The following PIKFYVE variants were observed in gnomAD, a reference collection of about 807,000 sequenced individuals.
PIKFYVE encodes the protein 1-phosphatidylinositol 3-phosphate 5-kinase.
PIKFYVE carries 122 observed loss-of-function variants against 257.9 expected under a neutral mutation model. That is an observed-to-expected ratio of 0.47 (90% CI 0.41 to 0.55). PIKFYVE has a LOEUF of 0.55. PIKFYVE is among the 20% of genes least tolerant of loss of function. The probability of loss-of-function intolerance (pLI) is 0.00; values close to 1 mark genes in which losing one functional copy is unlikely to be tolerated. For synonymous variants in PIKFYVE, 892 were observed against 868.9 expected (o/e 1.03, Z -0.47); for missense variants, 2,160 against 2,536.6 (o/e 0.85, Z 3.19).
At chr2:208,287,223 C>T (rs1430405749) in intron 6 of PIKFYVE, among the ~76,000 whole-genome samples, 1 of 151,308 alleles carries the variant, frequency 6.6e-6, no homozygotes, top group Non-Finnish European at 1.5e-5. Context: ...GGGATTAGGA[C>T]TGGGTAGGGG....
intron 22 of PIKFYVE, 65 bp from the exon 23 acceptor site, chr2:208,330,458 C>T (rs1217178376): frequency 4.4e-6 from 7 of 1,593,408 alleles, no homozygotes; most frequent in Admixed American, 1.7e-5. Context: ...TCATGCTGCA[C>T]TTTGACAGTG....
chr2:208,320,200 G>A, intron 16 of PIKFYVE, 52 bp from the exon 17 acceptor site: 1 of 1,586,836 alleles, frequency 6.3e-7, no homozygotes, highest in Non-Finnish European at 8.6e-7. Flanking sequence ...TTAAAGGAGG[G>A]CTGTAAAATG....
intron 13 of PIKFYVE, 86 bp from the exon 14 acceptor site, chr2:208,314,208 A>C: frequency 1.4e-6 from 2 of 1,467,932 alleles, no homozygotes; most frequent in Non-Finnish European, 1.9e-6. Context: ...ACATTTATAA[A>C]GACAAAGGGC....
intron 1 of PIKFYVE, among the ~76,000 whole-genome samples, chr2:208,267,014 T>C (rs1688724502): frequency 6.6e-6 from 1 of 152,198 alleles, no homozygotes; most frequent in African/African-American, 2.4e-5. Context: ...TTGGAAACTT[T>C]TAGGACTTAG....
intron 10 of PIKFYVE, among the ~76,000 whole-genome samples, chr2:208,302,998 C>T (rs1693886248): frequency 6.6e-6 from 1 of 152,130 alleles, no homozygotes; most frequent in African/African-American, 2.4e-5. Flanking sequence ...AGGAGAATGA[C>T]GTGAACCTGG....
At chr2:208,275,968 G>A (rs544615002) in intron 3 of PIKFYVE, among the ~76,000 whole-genome samples, 3 of 152,314 alleles carry the variant, frequency 2.0e-5, no homozygotes, top group African/African-American at 7.2e-5. Context: ...TTGGCCATGA[G>A]GCTGGAATTT....
chr2:208,325,040 G>A lies in PIKFYVE; in HGVS notation c.2458+3G>A. 3.1e-6 allele frequency: 5 copies of A among 1,614,074 alleles called. No individual in the cohort carries two copies. The highest frequency in any genetic ancestry group is 4.2e-6 in the Non-Finnish European group (5 of 1,179,974). ...GCAGATATTTCAGTTGCCTAATGGTGAGTGATCTTTAGCATAGATTGACCT... is the reference window on the plus strand; with the variant it reads ...GCAGATATTTCAGTTGCCTAATGGTAAGTGATCTTTAGCATAGATTGACCT... On this transcript the variant is annotated splice_donor_region_variant and intron_variant, in intron 19 of 41. Transcript: ENST00000264380.
chr2:208,298,974 C>T (rs1044287268), intron 8 of PIKFYVE, among the ~76,000 whole-genome samples, 195 bp downstream of exon 8: 44 of 152,058 alleles, frequency 2.9e-4, no homozygotes, highest in African/African-American at 1.0e-3. Flanking sequence ...TCCTGAGTAG[C>T]TGGGATTACA....
At chr2:208,287,644 A>C (rs529551283) in intron 6 of PIKFYVE, among the ~76,000 whole-genome samples, 2 of 152,224 alleles carry the variant, frequency 1.3e-5, no homozygotes, top group Admixed American at 1.3e-4. Flanking sequence ...TCTGTCACCC[A>C]GGCTGGAGTG....
intron 12 of PIKFYVE, among the ~76,000 whole-genome samples, 181 bp from the exon 13 acceptor site, chr2:208,312,055 G>A (rs1238432351): frequency 6.6e-6 from 1 of 152,202 alleles, no homozygotes; most frequent in Non-Finnish European, 1.5e-5. Context: ...AGTATGAAGT[G>A]CATAGAACAA....
At chr2:208,274,084 A>G (rs749380715) in intron 3 of PIKFYVE, 1 of 1,604,222 alleles carries the variant, frequency 6.2e-7, no homozygotes, top group Non-Finnish European at 8.5e-7. Flanking sequence ...TGAATTCTGC[A>G]TCTGTTCTTG....
At chr2:208,272,070 T>C (rs1399721379) in intron 2 of PIKFYVE, among the ~76,000 whole-genome samples, 1 of 151,912 alleles carries the variant, frequency 6.6e-6, no homozygotes, top group African/African-American at 2.4e-5. Context: ...CCGTCTCTAC[T>C]AAAAATACAA....
intron 2 of PIKFYVE, among the ~76,000 whole-genome samples, chr2:208,273,195 T>G (rs1393994398): frequency 6.6e-6 from 1 of 152,210 alleles, no homozygotes; most frequent in Non-Finnish European, 1.5e-5. Context: ...TTTGTTTCCT[T>G]TAGTATGCTC....
chr2:208,336,283 T>C, intron 27 of PIKFYVE, 83 bp downstream of exon 27: 1 of 1,490,998 alleles, frequency 6.7e-7, no homozygotes, highest in Admixed American at 1.7e-5. Context: ...AAATTTTTAA[T>C]TATGGATGTT....
At chr2:208,304,465 G>T in intron 11 of PIKFYVE, 147 bp downstream of exon 11, 1 of 1,143,288 alleles carries the variant, frequency 8.7e-7, no homozygotes, top group East Asian at 2.5e-5. Context: ...CTTTGTCTTA[G>T]ATACAGTATT....
Position 208,303,644 on chromosome 2 carries a change from G to T in PIKFYVE, c.1321-527G>T, listed in dbSNP as rs1019490475. On this transcript the variant is annotated intron_variant, in intron 10 of 41. Transcript: ENST00000264380. Reference sequence around the variant, plus strand: ...AAGAGATTGCTTTTGCTGTCTCAGGGGTAGCAGAGGCAGAAGAAAATCCAC... The same window carrying T: ...AAGAGATTGCTTTTGCTGTCTCAGGTGTAGCAGAGGCAGAAGAAAATCCAC... 6.6e-5 allele frequency among the ~76,000 whole-genome samples: 10 copies of T among 152,190 alleles called. No individual in the cohort carries two copies. In the East Asian group the frequency reaches 1.7e-3, roughly 26 times the overall value.
Position 208,345,179 on chromosome 2 carries a change from G to A in PIKFYVE, c.5096G>A (p.Gly1699Glu), listed in dbSNP as rs751693940. ...KATQWNSAEE[G>E]LPTNSTSDSR... ...ACTCAGTGGAACAGTGCCGAAGAAG[G>A]GCTTCCAACAAATAGGTGATTCATG... The change falls in exon 33 of 42, where the codon GGG (glycine) becomes GAG (glutamate). Residue 1699 changes from glycine (G) to glutamate (E), a missense_variant. Physicochemically the swap from Gly to Glu is moderately conservative, Grantham distance 98. Coordinates refer to ENST00000264380, the MANE Select transcript of PIKFYVE (RefSeq NM_015040.4). The A allele has an allele frequency of 5.6e-6, 9 of 1,610,530 alleles. No homozygotes were observed. The South Asian group carries it at 9.9e-5, about 18-fold the overall frequency.
intron 28 of PIKFYVE, 102 bp from the exon 29 acceptor site, chr2:208,338,406 A>G (rs370097604): frequency 1.0e-6 from 1 of 974,444 alleles, no homozygotes. Context: ...AACGGTATAA[A>G]TGGGTCCTGA....
chr2:208,314,504 TAAAA>T, intron 14 of PIKFYVE, 81 bp downstream of exon 14: 1 of 1,435,496 alleles, frequency 7.0e-7, no homozygotes. Flanking sequence ...TCATTCCTCT[TAAAA>T]AGGGAGGTCT....
Sources: allele counts gnomAD v4.1 joint callset (sites outside exome capture counted in the v4.1 genomes callset), GRCh38; gene constraint gnomAD v4.1.1; transcripts MANE v1.5; gene names NCBI Gene and HGNC (gene_info 2026-07-23, HGNC 2026-07-21).